Variants in PCDHGB7 observed in about 807,000 individuals in gnomAD.
PCDHGB7 encodes the protein protocadherin gamma subfamily B, 7.
PCDHGB7 carries 37 observed loss-of-function variants against 61.4 expected under a neutral mutation model. That is an observed-to-expected ratio of 0.60 (90% CI 0.46 to 0.79). PCDHGB7 has a LOEUF of 0.79. Among genes scored for constraint, PCDHGB7 ranks in the 30% least tolerant of loss-of-function variants. The pLI is 0.00. For synonymous variants in PCDHGB7, 464 were observed against 503.5 expected (o/e 0.92, Z 1.05); for missense variants, 1,166 against 1,202.5 (o/e 0.97, Z 0.45).
At chr5:141,505,323 G>C in intron 2 of PCDHGB7, 70 bp from the exon 3 acceptor site, 1 of 1,606,758 alleles carries the variant, frequency 6.2e-7, no homozygotes, top group South Asian at 1.1e-5. Flanking sequence ...GGGAGCCCTG[G>C]GAGAGGACAG....
chr5:141,421,265 T>G (rs2154549151), intron 1 of PCDHGB7: 1 of 1,596,914 alleles, frequency 6.3e-7, no homozygotes, highest in Non-Finnish European at 8.5e-7. Flanking sequence ...CGCAGTCGGC[T>G]GCTGCTGCTG....
intron 1 of PCDHGB7, among the ~76,000 whole-genome samples, chr5:141,492,329 C>T (rs2099739386): frequency 1.3e-5 from 2 of 152,232 alleles, no homozygotes; most frequent in African/African-American, 4.8e-5. Context: ...CGTGGGCTTA[C>T]GCGAATACCA....
Position 141,432,488 on chromosome 5 carries a change from C to G in PCDHGB7, c.2415+12214C>G. 6.2e-7 allele frequency: 1 copy of G among 1,614,202 alleles called. No homozygotes were observed. Among genetic ancestry groups the G allele is most frequent in the Non-Finnish European group, 8.5e-7 (1 of 1,180,048 alleles). On this transcript the variant is annotated intron_variant, in intron 1 of 3. Coordinates refer to ENST00000398594, the MANE Select transcript of PCDHGB7 (RefSeq NM_018927.4). This position sits in a 1 kb window ranked among gnomAD's most constrained non-coding sequence, Gnocchi z 6.0. ...CACGGACGGTTCCACTGGCGTGGAGCTGGCTCCCCGCTCCGCAGAGCCCGG... is the reference window on the plus strand; with the variant it reads ...CACGGACGGTTCCACTGGCGTGGAGGTGGCTCCCCGCTCCGCAGAGCCCGG...
chr5:141,421,433 C>T, intron 1 of PCDHGB7: 1 of 1,614,074 alleles, frequency 6.2e-7, no homozygotes, highest in African/African-American at 1.3e-5. Flanking sequence ...CGCATCGTCT[C>T]CAGAGGGAAG....
intron 1 of PCDHGB7, chr5:141,427,874 G>A: frequency 1.3e-6 from 2 of 1,560,274 alleles, no homozygotes; most frequent in South Asian, 2.2e-5. Flanking sequence ...AGCTCACGAT[G>A]CAGGCCCACG....
chr5:141,423,569 T>A, intron 1 of PCDHGB7: 2 of 1,613,480 alleles, frequency 1.2e-6, no homozygotes, highest in Non-Finnish European at 1.7e-6. Context: ...GACACGCTCA[T>A]CAGCCAGGAG....
In PCDHGB7 at chr5:141,486,043, A is replaced by G. The variant is rs1193580610; in HGVS notation, c.2416-8764A>G. 6.2e-7 allele frequency: 1 copy of G among 1,614,050 alleles called. No homozygotes were observed. Among genetic ancestry groups the G allele is most frequent in the African/African-American group, 1.3e-5 (1 of 74,918 alleles). ...GTGGTCATACCCCTGATCGTGTAAG[A>G]AACCTCTTTAGCCTGCACCCCACTA... On this transcript the variant is annotated intron_variant, in intron 1 of 3. Transcript: ENST00000398594. This position sits in a 1 kb window ranked among gnomAD's most constrained non-coding sequence, Gnocchi z 5.0.
intron 2 of PCDHGB7, among the ~76,000 whole-genome samples, chr5:141,504,741 T>C (rs968590796): frequency 2.6e-5 from 4 of 151,826 alleles, no homozygotes; most frequent in South Asian, 2.1e-4. Context: ...TAGGAAGCCA[T>C]TGAATTTTAG....
chr5:141,484,715 G>A (rs576646182), intron 1 of PCDHGB7, among the ~76,000 whole-genome samples: 1 of 152,130 alleles, frequency 6.6e-6, no homozygotes, highest in African/African-American at 2.4e-5. Context: ...CCGCCGAAAA[G>A]GGGCGGGGTC....
rs369227893 is a variant in PCDHGB7, at chr5:141,419,063, T to A, written c.1204T>A (p.Tyr402Asn). 47 of 1,613,840 alleles carry A rather than the reference T, an allele frequency of 2.9e-5. No homozygotes were observed. The highest frequency in any genetic ancestry group is 4.0e-5 in the Non-Finnish European group (47 of 1,179,904). Residue 402 changes from tyrosine to asparagine, a missense_variant, in exon 1 of 4, where the codon TAC becomes AAC. Tyr to Asn is a moderately radical substitution (Grantham distance 143, BLOSUM62 -2). Coordinates refer to ENST00000398594, the MANE Select transcript of PCDHGB7 (RefSeq NM_018927.4). ...GATTCATTCTTCTTCTAATAATTACTACAAGCTAGTAACAGATGAGGCCCT... is the reference window on the plus strand; with the variant it reads ...GATTCATTCTTCTTCTAATAATTACAACAAGCTAGTAACAGATGAGGCCCT... ...FKIHSSSNNY[Y>N]KLVTDEALDR...
rs1383174444 is a variant in PCDHGB7 at position 141,419,384 on chromosome 5, G to T, written c.1525G>T (p.Ala509Ser). 2 of 1,613,554 alleles carry T rather than the reference G, an allele frequency of 1.2e-6. No individual in the cohort carries two copies. Among genetic ancestry groups the T allele is most frequent in the East Asian group, 2.2e-5 (1 of 44,902 alleles). ...GCTGTCGTCCTACGTGTCCGTGAGC[G>T]CGCAGAGCGGGGTGGTGTTCGCGCA... ...RTLSSYVSVS[A>S]QSGVVFAQRA... Residue 509 changes from alanine (A) to serine (S), a missense_variant, in exon 1 of 4, where the codon GCG becomes TCG. Transcript: ENST00000398594.
intron 2 of PCDHGB7, among the ~76,000 whole-genome samples, chr5:141,500,942 C>T (rs937418207): frequency 2.0e-5 from 3 of 151,926 alleles, no homozygotes; most frequent in Non-Finnish European, 4.4e-5. Context: ...CATCTCGGCT[C>T]ACTGCAAGCT....
rs553772792 is a variant in PCDHGB7, at chr5:141,444,542, G to A, written c.2415+24268G>A. ...AGGTGAGACAGTGACTGTGTCTAGT[G>A]AGCAAAAGGCACTTATTTGACACTT... On this transcript the variant is annotated intron_variant, in intron 1 of 3. Coordinates refer to ENST00000398594, the MANE Select transcript of PCDHGB7 (RefSeq NM_018927.4). 3.3e-5 allele frequency among the ~76,000 whole-genome samples: 5 copies of A among 152,156 alleles called. No individual in the cohort carries two copies. The East Asian group carries it at 7.7e-4, about 24-fold the overall frequency.
chr5:141,477,794 C>G lies in PCDHGB7; in HGVS notation c.2416-17013C>G, dbSNP rs148942362. The G allele has an allele frequency of 6.2e-7, 1 of 1,614,086 alleles. No individual in the cohort carries two copies. The highest frequency in any genetic ancestry group is 1.1e-5 in the South Asian group (1 of 91,082). On this transcript the variant is annotated intron_variant, in intron 1 of 3. Transcript: ENST00000398594. This position sits in a 1 kb window ranked among gnomAD's most constrained non-coding sequence, Gnocchi z 4.9. ...CAGCGTGAACATATTTGTCACTGAT[C>G]GCAATGACAATGCCCCCCAGGTCCT...
At chr5:141,483,273 T>G (rs6860615) in intron 1 of PCDHGB7, among the ~76,000 whole-genome samples, 62,442 of 151,936 alleles carry the variant, frequency 0.41, 15,417 homozygotes, top group African/African-American at 0.7. Flanking sequence ...GTTTTAGAAA[T>G]ATTATTCTGT....
chr5:141,447,078 G>A (rs531206989), intron 1 of PCDHGB7, among the ~76,000 whole-genome samples: 5 of 152,018 alleles, frequency 3.3e-5, no homozygotes, highest in Non-Finnish European at 7.4e-5. Context: ...TTTAATTTTT[G>A]TTGTTTAATT....
intron 1 of PCDHGB7, among the ~76,000 whole-genome samples, chr5:141,492,148 G>C (rs2099737507): frequency 6.6e-6 from 1 of 152,202 alleles, no homozygotes; most frequent in Admixed American, 6.5e-5. Flanking sequence ...TGACTTCACT[G>C]TTACCCTCCC....
chr5:141,453,201 C>T (rs115660512), intron 1 of PCDHGB7, among the ~76,000 whole-genome samples: 2,052 of 152,204 alleles, frequency 0.013, 46 homozygotes, highest in African/African-American at 0.048. Flanking sequence ...GCAGCCTCAA[C>T]CTCGTGCACT....
Position 141,477,741 on chromosome 5 carries a change from G to A in PCDHGB7, c.2416-17066G>A, listed in dbSNP as rs1438249932. On this transcript the variant is annotated intron_variant, in intron 1 of 3. Transcript: ENST00000398594. The surrounding 1 kb of genome is among the most constrained non-coding windows in gnomAD (Gnocchi z 4.9). ...GAATTAACAGCTCATATCAGCGATG[G>A]GGGCACCCCGGTCCTAGCCACCAAC... is the stretch of plus-strand genomic sequence containing the variant. 4 of 1,613,802 alleles carry A rather than the reference G, an allele frequency of 2.5e-6. No individual in the cohort carries two copies. The highest frequency in any genetic ancestry group is 1.7e-5 in the Admixed American group (1 of 60,026).
Sources: allele counts gnomAD v4.1 joint callset (sites outside exome capture counted in the v4.1 genomes callset), GRCh38; gene constraint gnomAD v4.1.1; non-coding constraint Gnocchi (gnomAD v3.1); transcripts MANE v1.5; gene names NCBI Gene and HGNC (gene_info 2026-07-23, HGNC 2026-07-21).